The following LAMA1 variants were observed in gnomAD, a reference collection of about 807,000 sequenced individuals.
LAMA1 encodes the protein laminin subunit alpha 1, also known as laminin subunit alpha-1.
In LAMA1, 219 loss-of-function variants were observed where a neutral mutation model predicts 348.7. The observed-to-expected ratio is 0.63, with a 90% CI of 0.56 to 0.70. The LOEUF (loss-of-function observed/expected upper bound fraction) is 0.70, where lower values mean the gene tolerates loss of function less well. Ranked by LOEUF, LAMA1 falls within the 30% of genes least tolerant of loss-of-function variation. The pLI is 0.00. For missense variants in LAMA1, 3,744 were observed against 3,888.0 expected, an observed-to-expected ratio of 0.96 and a Z score of 0.99; for synonymous variants, 1,487 against 1,491.0, an observed-to-expected ratio of 1.00 and a Z score of 0.06.
At chr18:6,976,457 A>G (rs1174662389) in intron 44 of LAMA1, among the ~76,000 whole-genome samples, 2 of 152,204 alleles carry the variant, frequency 1.3e-5, no homozygotes, top group Non-Finnish European at 2.9e-5. Context: ...TTATTCACTC[A>G]GCAGATATTT....
At chr18:7,097,618 A>C (rs920129737) in intron 1 of LAMA1, among the ~76,000 whole-genome samples, 2 of 151,682 alleles carry the variant, frequency 1.3e-5, no homozygotes, top group Non-Finnish European at 2.9e-5. Flanking sequence ...TACACTACCT[A>C]TTTCAAAACT....
At chr18:7,004,254 A>G (rs1008845234) in intron 29 of LAMA1, among the ~76,000 whole-genome samples, 3 of 152,198 alleles carry the variant, frequency 2.0e-5, no homozygotes, top group Admixed American at 1.3e-4. Context: ...CGTATCTCCC[A>G]GAAGGCGGTG....
rs748125972 is a variant in LAMA1 at position 6,943,162 on chromosome 18, G to T, written c.9067+18C>A. The T allele has an allele frequency of 1.2e-6, 2 of 1,604,222 alleles. No individual in the cohort carries two copies. Among genetic ancestry groups the T allele is most frequent in the Non-Finnish European group, 1.7e-6 (2 of 1,171,100 alleles). The stretch of plus-strand genomic sequence containing the variant: ...GACAGTGCCCCTTTTGAGTGGAAGA[G>T]CAGGTACCCGTACATACCAGGATAG... On this transcript the variant is annotated intron_variant, in intron 62 of 62. Coordinates refer to ENST00000389658, the MANE Select transcript of LAMA1 (RefSeq NM_005559.4).
intron 33 of LAMA1, among the ~76,000 whole-genome samples, chr18:6,997,118 C>T (rs944767910): frequency 6.6e-6 from 1 of 152,026 alleles, no homozygotes; most frequent in Non-Finnish European, 1.5e-5. Flanking sequence ...GGCTGGAGTG[C>T]AGTGGTGTGA....
At chr18:6,965,746 G>A in intron 49 of LAMA1, 1 of 422,110 alleles carries the variant, frequency 2.4e-6, no homozygotes, top group South Asian at 2.5e-5. Flanking sequence ...AAGACTGAAA[G>A]ACAGAAATCA....
In LAMA1 at chr18:7,117,674, T is replaced by A. The variant is rs2058363618; in HGVS notation, c.47A>T (p.Gln16Leu). 2.5e-6 allele frequency: 4 copies of A among 1,597,774 alleles called. No homozygotes were observed. The South Asian group carries it at 4.4e-5, about 18-fold the overall frequency. ...LLVLLLCVAA[Q>L]CRQRGLFPAI... Reference sequence around the variant, plus strand: ...GCCGGGCTCACCTCTCTGCCGGCACTGCGCGGCGACACACAGCAGCAAGAC... The same window carrying A: ...GCCGGGCTCACCTCTCTGCCGGCACAGCGCGGCGACACACAGCAGCAAGAC... Residue 16 changes from glutamine to leucine, a missense_variant, in exon 1 of 63, where the codon CAG becomes CTG. Gln to Leu is a moderately radical substitution (Grantham distance 113). Transcript: ENST00000389658.
intron 16 of LAMA1, among the ~76,000 whole-genome samples, chr18:7,026,467 G>A (rs61706721): frequency 0.11 from 16,413 of 152,120 alleles, 1,027 homozygotes; most frequent in African/African-American, 0.18. Flanking sequence ...CACAGTGTCC[G>A]CCTCCAACTG....
At chr18:7,038,674 C>T in intron 11 of LAMA1, 136 bp downstream of exon 11, 3 of 1,202,802 alleles carry the variant, frequency 2.5e-6, no homozygotes, top group Non-Finnish European at 3.7e-6. Context: ...TGCCTTTGAC[C>T]CACGTCAGTA....
intron 3 of LAMA1, among the ~76,000 whole-genome samples, chr18:7,075,956 G>T (rs2058166141): frequency 6.6e-6 from 1 of 151,142 alleles, no homozygotes; most frequent in Non-Finnish European, 1.5e-5. Context: ...AAAAAGTACT[G>T]ATCCATAATG....
At chr18:7,038,264 T>C (rs600134) in intron 11 of LAMA1, among the ~76,000 whole-genome samples, 35,741 of 151,994 alleles carry the variant, frequency 0.24, 5,031 homozygotes, top group African/African-American at 0.4. Flanking sequence ...GCTCCTCCCT[T>C]GCCTGCAGCC....
rs139552466 is a variant in LAMA1, at chr18:7,096,585, G to T, written c.62-16128C>A. On this transcript the variant is annotated intron_variant, in intron 1 of 62. Coordinates refer to ENST00000389658, the MANE Select transcript of LAMA1 (RefSeq NM_005559.4). ...TGGGAAGATCTCTTGAGCCCAGGAG[G>T]TCAAGGCTGCAATGAGCCGTGATCA... Among the ~76,000 whole-genome samples, 802 of 151,934 alleles carry T rather than the reference G, an allele frequency of 5.3e-3. 5 individuals carry two copies. The highest frequency in any genetic ancestry group is 0.018 in the African/African-American group (746 of 41,438).
chr18:7,050,626 A>G (rs762216514), intron 4 of LAMA1, 68 bp downstream of exon 4: 26 of 1,609,888 alleles, frequency 1.6e-5, no homozygotes, highest in Non-Finnish European at 2.0e-5. Flanking sequence ...AGAGAGATCA[A>G]TTTTGAGTCT....
chr18:6,999,024 C>T (rs1234268046), intron 32 of LAMA1, among the ~76,000 whole-genome samples: 1 of 151,786 alleles, frequency 6.6e-6, no homozygotes, highest in Non-Finnish European at 1.5e-5. Context: ...CAGAGCAAGA[C>T]TCCATTTTTT....
At chr18:7,011,519 GA>G in intron 24 of LAMA1, 40 bp from the exon 25 acceptor site, 1 of 1,552,616 alleles carries the variant, frequency 6.4e-7, no homozygotes, top group Non-Finnish European at 8.8e-7. Context: ...TTCAAAATGC[GA>G]ACTTTCCACT....
intron 5 of LAMA1, among the ~76,000 whole-genome samples, chr18:7,047,743 G>A (rs1340712008): frequency 6.6e-6 from 1 of 151,724 alleles, no homozygotes; most frequent in Non-Finnish European, 1.5e-5. Context: ...CAATAATAAG[G>A]TTGAATAGTT....
chr18:7,012,134 T>C lies in LAMA1; in HGVS notation c.3368A>G (p.Asn1123Ser). ...EETGACPCKE[N>S]VFGPQCNECR... is the part of the protein sequence containing the mutation. ...TTCGTTGCACTGAGGACCAAAGACA[T>C]TTTCCTACAGGGGAGCAAATAAAGG... The change falls in exon 24 of 63, where the codon AAT becomes AGT. Residue 1123 changes from asparagine to serine, a missense_variant. By Grantham distance (46) the Asn-to-Ser change is conservative. Coordinates refer to ENST00000389658, the MANE Select transcript of LAMA1 (RefSeq NM_005559.4). 1 of 1,613,730 alleles carries C rather than the reference T, an allele frequency of 6.2e-7. No individual in the cohort carries two copies. The highest frequency in any genetic ancestry group is 8.5e-7 in the Non-Finnish European group (1 of 1,179,808).
At chr18:7,049,828 T>A (rs931045021) in intron 4 of LAMA1, among the ~76,000 whole-genome samples, 2 of 152,234 alleles carry the variant, frequency 1.3e-5, no homozygotes, top group African/African-American at 2.4e-5. Flanking sequence ...CTGTATGTTT[T>A]CCTGAATGTA....
intron 3 of LAMA1, among the ~76,000 whole-genome samples, chr18:7,076,197 T>TAC (rs1398235041): frequency 6.6e-6 from 1 of 152,178 alleles, no homozygotes; most frequent in Non-Finnish European, 1.5e-5. Flanking sequence ...TCAGAAGGTG[T>TAC]AGCCATGCTG....
Position 6,956,678 on chromosome 18 carries a change from A to G in LAMA1, c.8052T>C (p.Asp2684=), listed in dbSNP as rs781687082. ...CTGGCAAGAGCTTGCTGTCCTCTGC[A>G]TCGGGAGCCAGCTTAGGCCTTTCTG... is the stretch of plus-strand genomic sequence containing the variant. ...WLSERPKLAP[D]AEDSKLLPEP... Residue 2684 remains aspartate, a synonymous_variant, in exon 56 of 63, where the codon GAT becomes GAC. Transcript: ENST00000389658. The G allele has an allele frequency of 1.2e-5, 19 of 1,614,102 alleles. No homozygotes were observed. The highest frequency in any genetic ancestry group is 4.5e-5 in the East Asian group (2 of 44,890).
Sources: gnomAD v4.1 joint callset for allele counts (sites outside exome capture counted in the v4.1 genomes callset) on GRCh38, gnomAD v4.1.1 for gene constraint, MANE v1.5 for transcripts, NCBI Gene and HGNC (gene_info 2026-07-23, HGNC 2026-07-21) for gene names.